The following OXR1 variants were observed in gnomAD, a reference collection of about 807,000 sequenced individuals.
The protein encoded by OXR1 is oxidation resistance 1.
Under a neutral mutation model 104.6 loss-of-function variants are expected in OXR1, and 41 were observed. That is an observed-to-expected ratio of 0.39 (90% CI 0.31 to 0.51). OXR1 has a LOEUF of 0.51. Among genes scored for constraint, OXR1 ranks in the 20% least tolerant of loss-of-function variants. The pLI, the probability that OXR1 is intolerant of heterozygous loss-of-function variation, is 0.77. For missense variants in OXR1, 955 were observed against 1,031.9 expected (o/e 0.93, Z 1.02); for synonymous variants, 348 against 348.4 (o/e 1.00, Z 0.01).
At chr8:106,522,501 A>G (rs1813336944) in intron 3 of OXR1, among the ~76,000 whole-genome samples, 2 of 152,210 alleles carry the variant, frequency 1.3e-5, no homozygotes, top group Admixed American at 6.5e-5. Context: ...TGCAGAGCCT[A>G]CAGATATGGA....
At chr8:106,504,502 C>T (rs947818892) in intron 2 of OXR1, among the ~76,000 whole-genome samples, 31 of 152,170 alleles carry the variant, frequency 2.0e-4, no homozygotes, top group African/African-American at 7.5e-4. Flanking sequence ...AAGACAATCC[C>T]TGACCTCAAG....
At chr8:106,511,467 G>A (rs1299560193) in intron 2 of OXR1, among the ~76,000 whole-genome samples, 2 of 152,070 alleles carry the variant, frequency 1.3e-5, no homozygotes, top group Non-Finnish European at 2.9e-5. Context: ...GAAATTACTG[G>A]AAAGGACTAC....
chr8:106,474,760 A>G (rs1355746004), intron 2 of OXR1, among the ~76,000 whole-genome samples: 1 of 151,892 alleles, frequency 6.6e-6, no homozygotes, highest in Non-Finnish European at 1.5e-5. Flanking sequence ...AGCTTTTCCA[A>G]CCCTTGAGCA....
intron 11 of OXR1, 91 bp downstream of exon 11, chr8:106,714,076 A>G (rs1391775401): frequency 2.0e-6 from 2 of 976,584 alleles, no homozygotes; most frequent in Non-Finnish European, 1.5e-6. Context: ...TGATGTTTCC[A>G]CAAAAGAGGA....
intron 10 of OXR1, among the ~76,000 whole-genome samples, chr8:106,712,749 A>G (rs1461023669): frequency 6.6e-6 from 1 of 152,076 alleles, no homozygotes; most frequent in Admixed American, 6.6e-5. Flanking sequence ...TATGATTTGC[A>G]TAATTGATGA....
At chr8:106,555,769 G>C (rs536232627) in intron 3 of OXR1, among the ~76,000 whole-genome samples, 3 of 151,640 alleles carry the variant, frequency 2.0e-5, no homozygotes, top group African/African-American at 7.2e-5. Flanking sequence ...GATAGTTTCA[G>C]ATAAATTACT....
At chr8:106,334,062 A>G (rs1586535618) in intron 1 of OXR1, among the ~76,000 whole-genome samples, 1 of 152,316 alleles carries the variant, frequency 6.6e-6, no homozygotes, top group East Asian at 1.9e-4. Flanking sequence ...TGAGAGGATT[A>G]CCATCTTCAC....
At chr8:106,342,169 C>G (rs1192267557) in intron 1 of OXR1, among the ~76,000 whole-genome samples, 1 of 151,976 alleles carries the variant, frequency 6.6e-6, no homozygotes, top group African/African-American at 2.4e-5. Flanking sequence ...GCCACTGAAC[C>G]TGACCCCGTC....
chr8:106,462,363 CT>C (rs1820958993), intron 2 of OXR1, among the ~76,000 whole-genome samples: 1 of 152,146 alleles, frequency 6.6e-6, no homozygotes, highest in African/African-American at 2.4e-5. Flanking sequence ...CTCTTAATTG[CT>C]CTTTCTGCAT....
intron 3 of OXR1, among the ~76,000 whole-genome samples, chr8:106,612,867 C>T (rs1820919540): frequency 6.6e-6 from 1 of 152,022 alleles, no homozygotes; most frequent in African/African-American, 2.4e-5. Flanking sequence ...AACTGAGAGG[C>T]AGGTGGGTTA....
chr8:106,421,691 A>G (rs1186034442), intron 2 of OXR1, among the ~76,000 whole-genome samples: 1 of 152,232 alleles, frequency 6.6e-6, no homozygotes, highest in Non-Finnish European at 1.5e-5. Flanking sequence ...GACTGGAAAC[A>G]TGAAGAAATA....
At chr8:106,505,533 AGCAGAATGCAGT>A (rs1466218394) in intron 2 of OXR1, among the ~76,000 whole-genome samples, 1 of 152,212 alleles carries the variant, frequency 6.6e-6, no homozygotes, top group African/African-American at 2.4e-5. Context: ...GAAGCAAATG[AGCAGAATGCAGT>A]GCTAAAGAGT....
intron 3 of OXR1, among the ~76,000 whole-genome samples, chr8:106,543,193 TATTG>T (rs751918892): frequency 1.7e-4 from 26 of 152,334 alleles, no homozygotes; most frequent in Non-Finnish European, 1.2e-4. Flanking sequence ...ATGAATGTTT[TATTG>T]ATTAAGTACT....
At chr8:106,600,515 G>A (rs944148263) in intron 3 of OXR1, among the ~76,000 whole-genome samples, 1 of 152,140 alleles carries the variant, frequency 6.6e-6, no homozygotes, top group Non-Finnish European at 1.5e-5. Context: ...ATTAGTGGTG[G>A]TAGTGATGGT....
intron 2 of OXR1, among the ~76,000 whole-genome samples, chr8:106,501,798 A>AT (rs201381341): frequency 0.012 from 1,775 of 152,314 alleles, 31 homozygotes; most frequent in Non-Finnish European, 0.014. Flanking sequence ...CATGGAGGTT[A>AT]TTTTGAAACA....
At chr8:106,669,683 T>G (rs989336825) in intron 3 of OXR1, among the ~76,000 whole-genome samples, 1 of 152,218 alleles carries the variant, frequency 6.6e-6, no homozygotes, top group Non-Finnish European at 1.5e-5. Flanking sequence ...ACATAGCTAT[T>G]ATCAATATTG....
At chr8:106,705,343 CTAAT>C (rs1402522896) in intron 8 of OXR1, among the ~76,000 whole-genome samples, 1 of 152,018 alleles carries the variant, frequency 6.6e-6, no homozygotes, top group Middle Eastern at 3.2e-3. Context: ...TTGACTTCAA[CTAAT>C]TAATACTTCA....
chr8:106,737,386 A>G (rs1311785696), intron 11 of OXR1, 134 bp from the exon 12 acceptor site: 12 of 411,762 alleles, frequency 2.9e-5, no homozygotes, highest in Middle Eastern at 6.0e-4. Context: ...GATTTTCAAC[A>G]TAGAGTGGGG....
intron 2 of OXR1, among the ~76,000 whole-genome samples, chr8:106,400,402 T>C (rs969255764): frequency 6.6e-6 from 1 of 152,158 alleles, no homozygotes; most frequent in Non-Finnish European, 1.5e-5. Context: ...TCTGGTTTAA[T>C]GTCTACCCTC....
Sources: allele counts gnomAD v4.1 joint callset (sites outside exome capture counted in the v4.1 genomes callset), GRCh38; gene constraint gnomAD v4.1.1; transcripts MANE v1.5; gene names NCBI Gene and HGNC (gene_info 2026-07-23, HGNC 2026-07-21).